LRP1B: variants seen among roughly 807,000 people sequenced by gnomAD.
The protein encoded by LRP1B is LDL receptor related protein 1B.
Under a neutral mutation model 556.6 loss-of-function variants are expected in LRP1B, and 217 were observed. The observed-to-expected ratio is 0.39, with a 90% confidence interval of 0.35 to 0.44. The LOEUF (loss-of-function observed/expected upper bound fraction) is 0.44. Among genes scored for constraint, LRP1B ranks in the 20% least tolerant of loss-of-function variants. The pLI is 1.00. For missense variants in LRP1B, 5,053 were observed against 5,620.8 expected, an observed-to-expected ratio of 0.90 and a Z score of 3.23; for synonymous variants, 2,047 against 1,865.8, an observed-to-expected ratio of 1.10 and a Z score of -2.50.
chr2:142,003,491 C>A (rs1010084428), intron 1 of LRP1B, among the ~76,000 whole-genome samples: 9 of 152,154 alleles, frequency 5.9e-5, no homozygotes, highest in African/African-American at 2.2e-4. Context: ...TAAGATGCAG[C>A]TGTTATTCAT....
intron 6 of LRP1B, among the ~76,000 whole-genome samples, chr2:141,216,624 A>G (rs1374757439): frequency 6.6e-6 from 1 of 152,214 alleles, no homozygotes; most frequent in Non-Finnish European, 1.5e-5. Context: ...GCCACAGTAG[A>G]TGTACCCTAC....
At chr2:140,963,115 G>A (rs964519623) in intron 18 of LRP1B, among the ~76,000 whole-genome samples, 3 of 152,170 alleles carry the variant, frequency 2.0e-5, no homozygotes, top group Non-Finnish European at 2.9e-5. Flanking sequence ...TATAGCTTCT[G>A]TTTTTAAAAC....
At chr2:140,534,240 T>C in intron 46 of LRP1B, 100 bp from the exon 47 acceptor site, 1 of 1,130,030 alleles carries the variant, frequency 8.8e-7, no homozygotes, top group Non-Finnish European at 1.3e-6. Flanking sequence ...GACTGGATTA[T>C]GGATCTATAA....
chr2:140,609,371 T>C (rs1469483282), intron 41 of LRP1B, among the ~76,000 whole-genome samples: 2 of 152,122 alleles, frequency 1.3e-5, no homozygotes, highest in East Asian at 3.9e-4. Context: ...CTCTTCCTTT[T>C]CCCCTCTCTC....
intron 1 of LRP1B, among the ~76,000 whole-genome samples, chr2:141,903,672 C>T (rs566438956): frequency 6.6e-6 from 1 of 151,996 alleles, no homozygotes; most frequent in East Asian, 1.9e-4. Flanking sequence ...ACATGCTAGG[C>T]AGTACACTAG....
intron 79 of LRP1B, among the ~76,000 whole-genome samples, chr2:140,333,324 T>C (rs1438528040): frequency 6.6e-6 from 1 of 152,058 alleles, no homozygotes; most frequent in East Asian, 1.9e-4. Context: ...TGTATAACAA[T>C]GTGACAGTAT....
At chr2:141,134,158 T>C (rs1006755718) in intron 7 of LRP1B, among the ~76,000 whole-genome samples, 15 of 151,764 alleles carry the variant, frequency 9.9e-5, no homozygotes, top group African/African-American at 3.4e-4. Flanking sequence ...TGCCTTAATA[T>C]ATTTCAGTGA....
At chr2:141,577,759 C>T (rs1207298034) in intron 2 of LRP1B, among the ~76,000 whole-genome samples, 1 of 152,188 alleles carries the variant, frequency 6.6e-6, no homozygotes, top group South Asian at 2.1e-4. Context: ...ACTTTTGTGA[C>T]TTCAATAAAT....
chr2:140,350,819 CT>C lies in LRP1B; in HGVS notation c.11869del (p.Arg3957GlyfsTer7). The C allele has an allele frequency of 6.2e-7, 1 of 1,609,834 alleles. No homozygotes were observed. Among genetic ancestry groups the C allele is most frequent in the Admixed American group, 1.7e-5 (1 of 59,482 alleles). ...TACAATCAAGCCACTGTTTGCTTGC[CT>C]TTTTTCTCTGCCATGGATCCTTTTG... ...FYKRIHGREKRQANSGLICPE... is the reference protein window; with the variant it reads ...FYKRIHGREKXQANSGLICPE... On this transcript the variant is annotated frameshift_variant, in exon 77 of 91. Transcript: ENST00000389484. LOFTEE classifies it high-confidence loss of function.
At chr2:140,467,340 A>G (rs1031960391) in intron 60 of LRP1B, among the ~76,000 whole-genome samples, 1 of 152,070 alleles carries the variant, frequency 6.6e-6, no homozygotes, top group Admixed American at 6.6e-5. Context: ...GCAGTGGCTC[A>G]TGCCTGTAAT....
chr2:140,937,573 T>C (rs1196334337), intron 20 of LRP1B, among the ~76,000 whole-genome samples: 1 of 152,120 alleles, frequency 6.6e-6, no homozygotes, highest in Non-Finnish European at 1.5e-5. Flanking sequence ...CACTGAAATG[T>C]GCACTTAAAA....
intron 2 of LRP1B, among the ~76,000 whole-genome samples, chr2:141,675,515 T>A (rs1690841988): frequency 1.4e-5 from 1 of 72,570 alleles, no homozygotes; most frequent in Non-Finnish European, 2.8e-5. Context: ...CTACTTAATG[T>A]CTCAGTGCCT....
intron 41 of LRP1B, among the ~76,000 whole-genome samples, chr2:140,610,624 C>T (rs1250683252): frequency 2.6e-5 from 4 of 152,152 alleles, no homozygotes; most frequent in African/African-American, 4.8e-5. Context: ...CTCGCTCTGT[C>T]GCCCAGGCTG....
intron 41 of LRP1B, among the ~76,000 whole-genome samples, chr2:140,619,470 G>A (rs910102462): frequency 7.2e-5 from 11 of 152,124 alleles, no homozygotes; most frequent in Admixed American, 6.6e-4. Context: ...GTGAAAGACT[G>A]TGGCACTCAA....
chr2:140,334,612 G>A (rs1272365046), intron 78 of LRP1B, 53 bp from the exon 79 acceptor site: 2 of 988,810 alleles, frequency 2.0e-6, no homozygotes, highest in African/African-American at 1.7e-5. Flanking sequence ...GCTATAACCA[G>A]ACTCTGCTCC....
intron 51 of LRP1B, 75 bp downstream of exon 51, chr2:140,514,578 T>G (rs558811147): frequency 7.3e-7 from 1 of 1,360,968 alleles, no homozygotes; most frequent in African/African-American, 1.5e-5. Context: ...ATTAGCAAAT[T>G]TTGTGTATGC....
At chr2:141,630,503 AT>A (rs1159081782) in intron 2 of LRP1B, among the ~76,000 whole-genome samples, 1 of 152,196 alleles carries the variant, frequency 6.6e-6, no homozygotes, top group African/African-American at 2.4e-5. Flanking sequence ...AATTTGTTTC[AT>A]TCTGATATAG....
At chr2:140,876,071 T>A (rs1559169861) in intron 25 of LRP1B, among the ~76,000 whole-genome samples, 1 of 151,426 alleles carries the variant, frequency 6.6e-6, no homozygotes, top group Non-Finnish European at 1.5e-5. Flanking sequence ...TCTGATAACT[T>A]TGGAGGTTGC....
At chr2:140,765,557 T>G (rs1361898036) in intron 35 of LRP1B, among the ~76,000 whole-genome samples, 1 of 152,082 alleles carries the variant, frequency 6.6e-6, no homozygotes, top group Non-Finnish European at 1.5e-5. Flanking sequence ...CTCAATATGT[T>G]TTTTTCCACT....
Sources: allele counts gnomAD v4.1 joint callset (sites outside exome capture counted in the v4.1 genomes callset), GRCh38; gene constraint gnomAD v4.1.1; transcripts MANE v1.5; gene names NCBI Gene and HGNC (gene_info 2026-07-23, HGNC 2026-07-21).